THRB: variants seen among roughly 807,000 people sequenced by gnomAD.
THRB encodes thyroid hormone receptor beta, also known as nuclear receptor subfamily 1 group A member 2.
In THRB, 12 loss-of-function variants were observed where a neutral mutation model predicts 47.8. That is an observed-to-expected ratio of 0.25 (90% confidence interval 0.16 to 0.41). THRB has a LOEUF of 0.41. Among genes scored for constraint, THRB ranks in the 10% least tolerant of loss-of-function variants. The pLI, the probability that THRB is intolerant of heterozygous loss-of-function variation, is 1.00. For missense variants in THRB, 348 were observed against 589.2 expected, an observed-to-expected ratio of 0.59 and a Z score of 4.24; for synonymous variants, 218 against 212.2, an observed-to-expected ratio of 1.03 and a Z score of -0.24.
At chr3:24,129,647 C>T (rs997597878) in intron 9 of THRB, among the ~76,000 whole-genome samples, 11 of 152,226 alleles carry the variant, frequency 7.2e-5, no homozygotes, top group African/African-American at 1.9e-4. Context: ...TGTTTCAACA[C>T]GTGGGCAAAT....
intron 2 of THRB, among the ~76,000 whole-genome samples, chr3:24,324,505 C>T (rs1380121613): frequency 6.6e-6 from 1 of 152,134 alleles, no homozygotes; most frequent in African/African-American, 2.4e-5. Context: ...GTCATTTGCC[C>T]ATCCTGTTAC....
intron 3 of THRB, among the ~76,000 whole-genome samples, chr3:24,273,604 C>T (rs556676348): frequency 1.3e-5 from 2 of 152,168 alleles, no homozygotes; most frequent in Non-Finnish European, 2.9e-5. Context: ...TTTTTCATAA[C>T]TTAGTTGGTG....
intron 9 of THRB, 132 bp downstream of exon 9, chr3:24,133,184 T>A (rs2034132387): frequency 9.9e-7 from 1 of 1,010,850 alleles, no homozygotes; most frequent in Non-Finnish European, 1.5e-6. Context: ...GCATTTTCGT[T>A]TTGTACTGAC....
intron 3 of THRB, among the ~76,000 whole-genome samples, chr3:24,247,185 C>G (rs543792947): frequency 6.6e-6 from 1 of 152,132 alleles, no homozygotes; most frequent in African/African-American, 2.4e-5. Flanking sequence ...AAGAAAATAA[C>G]AATACTTCTT....
intron 2 of THRB, among the ~76,000 whole-genome samples, chr3:24,323,115 T>C (rs1163319953): frequency 6.6e-6 from 1 of 152,192 alleles, no homozygotes; most frequent in Non-Finnish European, 1.5e-5. Flanking sequence ...TGTCATTCCG[T>C]TGAGCTTTAA....
At chr3:24,283,924 T>C (rs1192010422) in intron 3 of THRB, among the ~76,000 whole-genome samples, 5 of 140,604 alleles carry the variant, frequency 3.6e-5, no homozygotes, top group Admixed American at 7.1e-5. Flanking sequence ...CTCAAGGAAA[T>C]AAAAGAGGAT....
At chr3:24,131,946 A>C (rs887580872) in intron 9 of THRB, among the ~76,000 whole-genome samples, 5 of 152,196 alleles carry the variant, frequency 3.3e-5, no homozygotes, top group African/African-American at 9.6e-5. Context: ...TCTCTCAGGT[A>C]GGTCTAGGGG....
At chr3:24,259,853 T>C (rs1028170346) in intron 3 of THRB, among the ~76,000 whole-genome samples, 4 of 152,076 alleles carry the variant, frequency 2.6e-5, no homozygotes, top group Non-Finnish European at 5.9e-5. Flanking sequence ...ATAGATTAAT[T>C]AAATGTGTGT....
chr3:24,443,106 T>G (rs1577604505), intron 1 of THRB, among the ~76,000 whole-genome samples: 1 of 152,086 alleles, frequency 6.6e-6, no homozygotes, highest in Non-Finnish European at 1.5e-5. Context: ...TGCTTGAACC[T>G]GGGAGGCAGA....
intron 5 of THRB, among the ~76,000 whole-genome samples, chr3:24,174,729 C>T (rs538443618): frequency 2.6e-5 from 4 of 152,156 alleles, no homozygotes; most frequent in Admixed American, 6.5e-5. Context: ...CAGTTTCCTG[C>T]GTACAGTGGC....
chr3:24,127,789 C>T (rs1432603412), intron 9 of THRB, 32 bp from the exon 10 acceptor site: 1 of 1,613,998 alleles, frequency 6.2e-7, no homozygotes, highest in Non-Finnish European at 8.5e-7. Flanking sequence ...CAGCAAAGAA[C>T]AAATGCAAAA....
chr3:24,376,132 G>C (rs2065267982), intron 1 of THRB, among the ~76,000 whole-genome samples: 2 of 151,570 alleles, frequency 1.3e-5, no homozygotes, highest in South Asian at 4.2e-4. Context: ...GCAGTATATT[G>C]AAAAAAAAGG....
rs55844458 is a variant in THRB, at chr3:24,265,006, A to T, written c.-43+32220T>A. 6.5e-3 allele frequency among the ~76,000 whole-genome samples: 994 copies of T among 152,298 alleles called. 13 individuals carry two copies. The highest frequency in any genetic ancestry group is 0.023 in the African/African-American group (946 of 41,566). On this transcript the variant is annotated intron_variant, in intron 3 of 10. Transcript: ENST00000646209. ...TACTATGAAGAAAATAAAGCAGAGT[A>T]ATTAGACAGAGAATGCCTCGAGGGG...
chr3:24,178,182 A>C (rs915768324), intron 5 of THRB, among the ~76,000 whole-genome samples: 19 of 152,216 alleles, frequency 1.2e-4, no homozygotes, highest in Admixed American at 1.2e-3. Flanking sequence ...CTCACCAGTA[A>C]AGATCTAGGC....
intron 5 of THRB, among the ~76,000 whole-genome samples, chr3:24,166,356 G>T (rs1201093607): frequency 6.6e-6 from 1 of 152,112 alleles, no homozygotes; most frequent in East Asian, 1.9e-4. Flanking sequence ...TCAGTAGTGC[G>T]TGGAAAACTG....
intron 1 of THRB, among the ~76,000 whole-genome samples, chr3:24,448,925 C>A (rs1477504425): frequency 6.6e-6 from 1 of 152,030 alleles, no homozygotes; most frequent in East Asian, 1.9e-4. Flanking sequence ...AAAAGCAGGC[C>A]AGAAAGATGC....
chr3:24,358,576 C>A (rs951524987), intron 1 of THRB, among the ~76,000 whole-genome samples: 2 of 152,090 alleles, frequency 1.3e-5, no homozygotes, highest in Non-Finnish European at 2.9e-5. Context: ...ATACCAAATT[C>A]TCATAAATAT....
At chr3:24,439,866 T>C (rs1455971200) in intron 1 of THRB, among the ~76,000 whole-genome samples, 3 of 152,194 alleles carry the variant, frequency 2.0e-5, no homozygotes, top group Admixed American at 1.3e-4. Context: ...GCCCATCTGG[T>C]CCCTACCCAA....
At chr3:24,263,470 G>A (rs187164194) in intron 3 of THRB, among the ~76,000 whole-genome samples, 1 of 152,080 alleles carries the variant, frequency 6.6e-6, no homozygotes, top group African/African-American at 2.4e-5. Context: ...ATATTATGAT[G>A]TCACCAATAT....
Sources: gnomAD v4.1 joint callset for allele counts (sites outside exome capture counted in the v4.1 genomes callset) on GRCh38, gnomAD v4.1.1 for gene constraint, MANE v1.5 for transcripts, NCBI Gene and HGNC (gene_info 2026-07-23, HGNC 2026-07-21) for gene names.